The following AKAP19 variants were observed in gnomAD, a reference collection of about 807,000 sequenced individuals.
The protein encoded by AKAP19 is small A-kinase anchoring protein.
chr2:190,188,966 A>T, the AKAP19 span, among the ~76,000 whole-genome samples: 2 of 152,222 alleles, frequency 1.3e-5, no homozygotes, highest in African/African-American at 4.8e-5. Flanking sequence ...TCCATTAGAT[A>T]GCTAGTTACT....
chr2:190,033,011 G>A, the AKAP19 span, among the ~76,000 whole-genome samples: 3 of 151,838 alleles, frequency 2.0e-5, no homozygotes, highest in Admixed American at 6.6e-5. Context: ...CTTTCCTAGC[G>A]GTAGCAAGTG....
chr2:189,924,927 G>A, the AKAP19 span, among the ~76,000 whole-genome samples: 2 of 152,070 alleles, frequency 1.3e-5, no homozygotes, highest in Non-Finnish European at 1.5e-5. Context: ...CTTCATTATG[G>A]TATGAGTTAT....
the AKAP19 span, among the ~76,000 whole-genome samples, chr2:190,078,065 G>A: frequency 2.0e-4 from 30 of 152,006 alleles, no homozygotes; most frequent in Admixed American, 8.5e-4. Flanking sequence ...AGATTCAAGG[G>A]GACCTCTAGA....
chr2:190,198,097 T>C, the AKAP19 span, among the ~76,000 whole-genome samples: 4 of 152,108 alleles, frequency 2.6e-5, no homozygotes, highest in Non-Finnish European at 5.9e-5. Flanking sequence ...AAAATTAACA[T>C]CTCTGAAGTA....
At chr2:189,941,864 A>T in the AKAP19 span, among the ~76,000 whole-genome samples, 3 of 152,230 alleles carry the variant, frequency 2.0e-5, no homozygotes, top group Non-Finnish European at 4.4e-5. Flanking sequence ...ATTAAAAGTC[A>T]TAGTGTCTAA....
the AKAP19 span, among the ~76,000 whole-genome samples, chr2:189,953,866 C>T: frequency 6.6e-6 from 1 of 152,150 alleles, no homozygotes; most frequent in African/African-American, 2.4e-5. Flanking sequence ...CACCTCTTAA[C>T]CACTAAGCTG....
the AKAP19 span, among the ~76,000 whole-genome samples, chr2:190,079,006 AC>A: frequency 2.6e-5 from 4 of 152,150 alleles, no homozygotes; most frequent in South Asian, 2.1e-4. Flanking sequence ...ATGAAAAAAA[AC>A]ATTTCATTTA....
At chr2:189,981,273 CTTT>C in the AKAP19 span, among the ~76,000 whole-genome samples, 375 of 128,974 alleles carry the variant, frequency 2.9e-3, no homozygotes, top group East Asian at 5.1e-3. Context: ...CCTTCTTTGT[CTTT>C]TTTTTTTTTT....
chr2:190,111,106 C>T, the AKAP19 span, among the ~76,000 whole-genome samples: 3 of 152,142 alleles, frequency 2.0e-5, no homozygotes, highest in Admixed American at 1.3e-4. Flanking sequence ...AGCACAGAGC[C>T]CCCCCAGAGC....
At chr2:189,905,803 A>G in the AKAP19 span, among the ~76,000 whole-genome samples, 1 of 151,912 alleles carries the variant, frequency 6.6e-6, no homozygotes, top group East Asian at 1.9e-4. Context: ...GCAATTTGAA[A>G]TTTTCTTTCC....
At chr2:190,058,900 G>C in the AKAP19 span, among the ~76,000 whole-genome samples, 1 of 151,696 alleles carries the variant, frequency 6.6e-6, no homozygotes. Context: ...TGGAGTGATG[G>C]GTGCACTAAA....
At chr2:190,057,643 T>G in the AKAP19 span, 1 of 1,612,914 alleles carries the variant, frequency 6.2e-7, no homozygotes, top group Admixed American at 1.7e-5. Flanking sequence ...CGGATTCTGT[T>G]TGAAAAGGAA....
chr2:190,189,710 C>T, the AKAP19 span: 1 of 152,168 alleles, frequency 6.6e-6, no homozygotes, highest in African/African-American at 2.4e-5. Context: ...AGGAACAACA[C>T]AATAAAGGAC....
chr2:189,921,766 G>C, the AKAP19 span, among the ~76,000 whole-genome samples: 1 of 152,194 alleles, frequency 6.6e-6, no homozygotes, highest in African/African-American at 2.4e-5. Flanking sequence ...TGTGTAGTAT[G>C]ATCAGCTGGC....
chr2:190,055,780 A>G, the AKAP19 span: 4 of 152,240 alleles, frequency 2.6e-5, no homozygotes, highest in East Asian at 5.8e-4. Flanking sequence ...AATTTCATTT[A>G]GTCATAGTAC....
chr2:190,183,128 G>A, the AKAP19 span, among the ~76,000 whole-genome samples: 1 of 152,168 alleles, frequency 6.6e-6, no homozygotes, highest in African/African-American at 2.4e-5. Flanking sequence ...ATTTTTGGAG[G>A]CTGGTTTTGG....
chr2:190,062,994 T>G, the AKAP19 span, among the ~76,000 whole-genome samples: 1 of 152,132 alleles, frequency 6.6e-6, no homozygotes, highest in Admixed American at 6.6e-5. Context: ...TAATATAAAC[T>G]GTACTTAAAT....
chr2:190,052,630 T>C, the AKAP19 span, among the ~76,000 whole-genome samples: 1 of 152,296 alleles, frequency 6.6e-6, no homozygotes. Context: ...CCAAACCGCA[T>C]AATCAAATTT....
the AKAP19 span, among the ~76,000 whole-genome samples, chr2:189,893,320 T>A: frequency 2.0e-5 from 3 of 152,174 alleles, no homozygotes; most frequent in Non-Finnish European, 2.9e-5. Context: ...CGCCCAGTTT[T>A]GTGCTTGAAA....
Sources: allele counts gnomAD v4.1 joint callset (sites outside exome capture counted in the v4.1 genomes callset), GRCh38; gene constraint gnomAD v4.1.1; transcripts MANE v1.5; gene names NCBI Gene and HGNC (gene_info 2026-07-23, HGNC 2026-07-21).